MED24: variants seen among roughly 807,000 people sequenced by gnomAD.
MED24 encodes the protein mediator complex subunit 24.
A neutral mutation model predicts 118.8 loss-of-function variants in MED24; 74 were observed. That is an observed-to-expected ratio of 0.62 (90% CI 0.52 to 0.76). The LOEUF (loss-of-function observed/expected upper bound fraction) is 0.76, where lower values mean the gene tolerates loss of function less well. Ranked by LOEUF, MED24 falls within the 30% of genes least tolerant of loss-of-function variation. The pLI is 0.00. For synonymous variants in MED24, 521 were observed against 523.9 expected (o/e 0.99, Z 0.08); for missense variants, 1,041 against 1,278.9 (o/e 0.81, Z 2.84).
At chr17:40,026,088 T>A in intron 19 of MED24, 68 bp downstream of exon 19, 1 of 1,505,166 alleles carries the variant, frequency 6.6e-7, no homozygotes, top group Non-Finnish European at 9.1e-7. Context: ...GAGGGGTGCT[T>A]GTTATTGGAT....
At chr17:40,031,658 C>G (rs202050305) in intron 10 of MED24, 38 bp from the exon 11 acceptor site, 7 of 1,581,004 alleles carry the variant, frequency 4.4e-6, no homozygotes, top group Non-Finnish European at 6.1e-6. Flanking sequence ...GTTTCCAGGG[C>G]CACCAGGCCC....
intron 9 of MED24, 88 bp downstream of exon 9, chr17:40,032,561 G>A: frequency 9.8e-7 from 1 of 1,015,238 alleles, no homozygotes; most frequent in South Asian, 1.5e-5. Flanking sequence ...TGCCCGCAGG[G>A]AGGAACACAG....
chr17:40,028,694 C>G, intron 14 of MED24, 132 bp downstream of exon 14: 1 of 1,292,894 alleles, frequency 7.7e-7, no homozygotes, highest in African/African-American at 1.5e-5. Context: ...GATCTCCAGC[C>G]AGGATGCTCT....
chr17:40,022,104 C>T (rs1213137062), intron 22 of MED24, 50 bp from the exon 23 acceptor site: 2 of 1,402,448 alleles, frequency 1.4e-6, no homozygotes, highest in Non-Finnish European at 2.0e-6. Context: ...CCCCAGTTTC[C>T]AGCTGTCAGG....
chr17:40,033,484 A>C lies in MED24; in HGVS notation c.560-28T>G. On this transcript the variant is annotated intron_variant, in intron 6 of 25. Transcript: ENST00000394128. This position sits in a 1 kb window ranked among gnomAD's most constrained non-coding sequence, Gnocchi z 5.2. ...GGCAGAGGGAAGGAAGTACAGAAAC[A>C]TGATGGGAAACAGGAGAGAAGGAGC... 1 of 1,536,502 alleles carries C rather than the reference A, an allele frequency of 6.5e-7. No individual in the cohort carries two copies. The highest frequency in any genetic ancestry group is 1.9e-5 in the Admixed American group (1 of 51,572).
At position 40,020,268 on chromosome 17, in the gene MED24, C is replaced by A. The variant is rs1981805609; in HGVS notation, c.2704+5G>T. 1.3e-6 allele frequency: 2 copies of A among 1,523,572 alleles called. No homozygotes were observed. The highest frequency in any genetic ancestry group is 4.6e-5 in the East Asian group (2 of 43,066). The allele number at this position is 1,523,572 out of a possible 1,614,324, so 94.4% of individuals were successfully genotyped here. A position where few individuals can be genotyped will look rare whatever the true frequency, so the allele number is the denominator to read the frequency against. ...CAGGTTCGGCAGCAGGGGTGGGGAA[C>A]TCACCCAGGACTCGGTTCAGAGGGT... On this transcript the variant is annotated splice_donor_5th_base_variant and intron_variant, in intron 24 of 25. Transcript: ENST00000394128.
At chr17:40,028,101 G>GTTT in intron 14 of MED24, 155 bp from the exon 15 acceptor site, 2 of 767,544 alleles carry the variant, frequency 2.6e-6, no homozygotes, top group Non-Finnish European at 4.2e-6. Context: ...GGTTTTTGTG[G>GTTT]TTTTTGTTTT....
chr17:40,046,779 G>A (rs1026393449), intron 3 of MED24, among the ~76,000 whole-genome samples: 4 of 151,784 alleles, frequency 2.6e-5, no homozygotes, highest in African/African-American at 9.7e-5. Context: ...ATGAGGCCAG[G>A]CATGGGTGGA....
chr17:40,050,244 T>C (rs1985694826), intron 3 of MED24, among the ~76,000 whole-genome samples: 1 of 149,628 alleles, frequency 6.7e-6, no homozygotes, highest in Middle Eastern at 3.5e-3. Flanking sequence ...AGGTCAGGAG[T>C]TCGAGACCAG....
At chr17:40,035,484 T>A (rs959057482) in intron 5 of MED24, 135 bp from the exon 6 acceptor site, 16 of 1,056,386 alleles carry the variant, frequency 1.5e-5, no homozygotes, top group Non-Finnish European at 2.1e-5. Context: ...CTGGGGAAGA[T>A]GCTTAGCCCC....
intron 18 of MED24, 40 bp from the exon 19 acceptor site, chr17:40,026,371 C>T (rs1472130523): frequency 6.3e-7 from 1 of 1,598,734 alleles, no homozygotes; most frequent in Middle Eastern, 1.7e-4. Context: ...CATCTATCTC[C>T]CTTTCTTGAG....
chr17:40,041,972 A>G (rs1984608648), intron 3 of MED24, among the ~76,000 whole-genome samples: 1 of 152,214 alleles, frequency 6.6e-6, no homozygotes, highest in Non-Finnish European at 1.5e-5. Context: ...CAGATGGGCT[A>G]TACCTATTTT....
At chr17:40,026,542 GA>G in intron 18 of MED24, 104 bp downstream of exon 18, 1 of 1,206,164 alleles carries the variant, frequency 8.3e-7, no homozygotes, top group Non-Finnish European at 1.2e-6. Flanking sequence ...ATCAAAACAT[GA>G]GCTCCTGGAT....
intron 3 of MED24, among the ~76,000 whole-genome samples, chr17:40,041,554 G>A (rs1193138982): frequency 1.3e-5 from 2 of 152,074 alleles, no homozygotes; most frequent in African/African-American, 4.8e-5. Flanking sequence ...ACTGCCTACC[G>A]AGTATCCTCT....
chr17:40,049,559 G>A (rs191830272), intron 3 of MED24, among the ~76,000 whole-genome samples: 111 of 151,882 alleles, frequency 7.3e-4, no homozygotes, highest in African/African-American at 2.3e-3. Context: ...ATGGAGTCTC[G>A]CTCTGTCACC....
chr17:40,046,732 C>T (rs1270496846), intron 3 of MED24, among the ~76,000 whole-genome samples: 5 of 148,278 alleles, frequency 3.4e-5, no homozygotes, highest in African/African-American at 1.0e-4. Flanking sequence ...GGCGACAGAG[C>T]GAGACTCCGT....
chr17:40,043,574 C>T (rs1409226728), intron 3 of MED24, among the ~76,000 whole-genome samples: 2 of 151,814 alleles, frequency 1.3e-5, no homozygotes, highest in African/African-American at 4.8e-5. Flanking sequence ...TTTTGTCTTC[C>T]TTAAGGATTT....
In MED24 at chr17:40,022,904, G is replaced by A. The variant is rs1347059411; in HGVS notation, c.2251-78C>T. ...CTCCTACACCCTGCCACCCCAGCAT[G>A]GCTGTCCAGTAAGGCCCGCAGAGGG... On this transcript the variant is annotated intron_variant, in intron 20 of 25. Coordinates refer to ENST00000394128, the MANE Select transcript of MED24 (RefSeq NM_014815.4). 4 of 1,530,894 alleles carry A rather than the reference G, an allele frequency of 2.6e-6. No individual in the cohort carries two copies. The Admixed American group carries it at 7.2e-5, about 27-fold the overall frequency. 94.8% of individuals were successfully genotyped at this position (1,530,894 alleles called of 1,614,324 possible). A position where few individuals can be genotyped will look rare whatever the true frequency, so the allele number is the denominator to read the frequency against.
chr17:40,027,378 C>T lies in MED24; in HGVS notation c.1530+5G>A. The T allele has an allele frequency of 6.2e-7, 1 of 1,612,662 alleles. No homozygotes were observed. Among genetic ancestry groups the T allele is most frequent in the Non-Finnish European group, 8.5e-7 (1 of 1,179,512 alleles). On this transcript the variant is annotated splice_donor_5th_base_variant and intron_variant, in intron 16 of 25. Coordinates refer to ENST00000394128, the MANE Select transcript of MED24 (RefSeq NM_014815.4). ...GCCCCCGTCCCGGTCGCTCCCCTCTCTCACCTCTGAACCATAGGTCTGGGC... is the reference window on the plus strand; with the variant it reads ...GCCCCCGTCCCGGTCGCTCCCCTCTTTCACCTCTGAACCATAGGTCTGGGC...
Sources: gnomAD v4.1 joint callset for allele counts (sites outside exome capture counted in the v4.1 genomes callset) on GRCh38, gnomAD v4.1.1 for gene constraint, Gnocchi (gnomAD v3.1) non-coding constraint, MANE v1.5 for transcripts, NCBI Gene and HGNC (gene_info 2026-07-23, HGNC 2026-07-21) for gene names.